Variants in PARD3 observed in about 807,000 individuals in gnomAD.
PARD3 encodes the protein par-3 family cell polarity regulator.
A neutral mutation model predicts 155.4 loss-of-function variants in PARD3; 75 were observed. That is an observed-to-expected ratio of 0.48 (90% CI 0.40 to 0.58). The LOEUF (loss-of-function observed/expected upper bound fraction) is 0.58, where lower values mean the gene tolerates loss of function less well. Ranked by LOEUF, PARD3 falls within the 20% of genes least tolerant of loss-of-function variation. PARD3 has a pLI of 0.00. For missense variants in PARD3, 1,642 were observed against 1,721.7 expected (o/e 0.95, Z 0.82); for synonymous variants, 576 against 610.5 (o/e 0.94, Z 0.83).
chr10:34,325,134 G>A (rs984354756), intron 19 of PARD3, among the ~76,000 whole-genome samples: 1 of 151,882 alleles, frequency 6.6e-6, no homozygotes, highest in Non-Finnish European at 1.5e-5. Flanking sequence ...CTCAGCCTCC[G>A]AAGTAGTTGA....
chr10:34,128,311 C>T (rs1471043989), intron 23 of PARD3, among the ~76,000 whole-genome samples: 1 of 152,214 alleles, frequency 6.6e-6, no homozygotes, highest in African/African-American at 2.4e-5. Context: ...CCTGCCTATT[C>T]AATCTGAAGA....
chr10:34,380,633 C>T (rs12255406), intron 9 of PARD3, among the ~76,000 whole-genome samples: 1 of 151,946 alleles, frequency 6.6e-6, no homozygotes, highest in African/African-American at 2.4e-5. Context: ...CTTTGTATTT[C>T]TCATTCTTTC....
chr10:34,539,813 T>C (rs180728856), intron 2 of PARD3, among the ~76,000 whole-genome samples: 46 of 152,334 alleles, frequency 3.0e-4, no homozygotes, highest in South Asian at 1.2e-3. Flanking sequence ...GGACATCCCA[T>C]TGGCTTCCTG....
At chr10:34,594,204 T>C (rs1032215539) in intron 2 of PARD3, among the ~76,000 whole-genome samples, 1 of 152,178 alleles carries the variant, frequency 6.6e-6, no homozygotes, top group African/African-American at 2.4e-5. Context: ...TTAGTAAGAC[T>C]TTCTGTTCAA....
intron 22 of PARD3, among the ~76,000 whole-genome samples, chr10:34,192,689 T>C (rs1046490229): frequency 3.3e-5 from 5 of 152,164 alleles, no homozygotes; most frequent in African/African-American, 7.2e-5. Flanking sequence ...GGAGGGGCTG[T>C]TGATGGCACA....
intron 5 of PARD3, among the ~76,000 whole-genome samples, chr10:34,433,345 T>A (rs962549594): frequency 2.6e-5 from 4 of 152,216 alleles, no homozygotes; most frequent in African/African-American, 9.7e-5. Context: ...CCAAAAAGTT[T>A]CACAGATTGC....
At chr10:34,260,608 C>A (rs1368893569) in intron 22 of PARD3, among the ~76,000 whole-genome samples, 1 of 152,160 alleles carries the variant, frequency 6.6e-6, no homozygotes, top group Non-Finnish European at 1.5e-5. Flanking sequence ...TATTAGTAGA[C>A]AGCCAAGGAC....
At chr10:34,581,618 A>C (rs1189541996) in intron 2 of PARD3, among the ~76,000 whole-genome samples, 2 of 152,194 alleles carry the variant, frequency 1.3e-5, no homozygotes, top group Admixed American at 6.5e-5. Flanking sequence ...ACAGTATTTT[A>C]ACTCAAGCCC....
chr10:34,206,885 C>T (rs1397619445), intron 22 of PARD3, among the ~76,000 whole-genome samples: 1 of 152,140 alleles, frequency 6.6e-6, no homozygotes, highest in Non-Finnish European at 1.5e-5. Context: ...TAAAGTCTCA[C>T]CTCCTACCTC....
At chr10:34,692,703 A>G (rs1055191681) in intron 2 of PARD3, among the ~76,000 whole-genome samples, 6 of 152,098 alleles carry the variant, frequency 3.9e-5, no homozygotes, top group South Asian at 2.1e-4. Context: ...GACAAAACCC[A>G]TATCTACTAA....
At chr10:34,292,719 A>ATT (rs746705885) in intron 20 of PARD3, among the ~76,000 whole-genome samples, 9 of 150,532 alleles carry the variant, frequency 6.0e-5, no homozygotes, top group Non-Finnish European at 1.0e-4. Context: ...CTTTATTATT[A>ATT]TTATTTTTTT....
intron 23 of PARD3, among the ~76,000 whole-genome samples, chr10:34,123,592 AT>A (rs943050957): frequency 1.5e-4 from 22 of 150,074 alleles, no homozygotes; most frequent in Middle Eastern, 3.4e-3. Context: ...TGCCTGGTTA[AT>A]TTTTTTTTTC....
intron 1 of PARD3, among the ~76,000 whole-genome samples, chr10:34,719,445 AC>A (rs1176471578): frequency 6.6e-6 from 1 of 152,178 alleles, no homozygotes; most frequent in African/African-American, 2.4e-5. Context: ...ATTAATAGTT[AC>A]TTAATACATT....
At chr10:34,551,753 G>A (rs539243335) in intron 2 of PARD3, among the ~76,000 whole-genome samples, 27 of 152,300 alleles carry the variant, frequency 1.8e-4, no homozygotes, top group African/African-American at 6.3e-4. Context: ...GTGGCCATGG[G>A]GAAGGAGAGA....
At chr10:34,515,239 C>T (rs972522038) in intron 3 of PARD3, among the ~76,000 whole-genome samples, 10 of 152,210 alleles carry the variant, frequency 6.6e-5, no homozygotes, top group African/African-American at 2.2e-4. Context: ...TTGAAAAACA[C>T]TGCCCAAAGC....
chr10:34,229,675 TG>T (rs66818042), intron 22 of PARD3, among the ~76,000 whole-genome samples: 20,065 of 151,892 alleles, frequency 0.13, 1,798 homozygotes, highest in Middle Eastern at 0.22. Context: ...TGTGTGTGTG[TG>T]TGTGTGTGTG....
At chr10:34,378,284 G>A (rs1419471407) in intron 9 of PARD3, among the ~76,000 whole-genome samples, 178 bp from the exon 10 acceptor site, 1 of 152,122 alleles carries the variant, frequency 6.6e-6, no homozygotes. Flanking sequence ...ATTGTGGAAG[G>A]TTTAAATGGT....
intron 1 of PARD3, among the ~76,000 whole-genome samples, chr10:34,751,216 TA>T (rs35709541): frequency 0.62 from 92,563 of 150,212 alleles, 29,839 homozygotes; most frequent in Non-Finnish European, 0.73. Flanking sequence ...TTAAATGTAA[TA>T]AAAAAAAAAA....
At chr10:34,266,641 T>A (rs138443668) in intron 22 of PARD3, among the ~76,000 whole-genome samples, 1 of 152,316 alleles carries the variant, frequency 6.6e-6, no homozygotes, top group East Asian at 1.9e-4. Flanking sequence ...GGCTTTTGAA[T>A]ACAGCAATGT....
Sources: allele counts gnomAD v4.1 joint callset (sites outside exome capture counted in the v4.1 genomes callset), GRCh38; gene constraint gnomAD v4.1.1; transcripts MANE v1.5; gene names NCBI Gene and HGNC (gene_info 2026-07-23, HGNC 2026-07-21).